Variants in SHOC1 observed in about 807,000 individuals in gnomAD.
SHOC1 encodes the protein protein shortage in chiasmata 1 ortholog.
SHOC1 carries 136 observed loss-of-function variants against 179.2 expected under a neutral mutation model. That is an observed-to-expected ratio of 0.76 (90% CI 0.66 to 0.87). The LOEUF (loss-of-function observed/expected upper bound fraction) is 0.87, where lower values mean the gene tolerates loss of function less well. SHOC1 is among the 40% of genes least tolerant of loss of function. The pLI, the probability that SHOC1 is intolerant of heterozygous loss-of-function variation, is 0.00. For synonymous variants in SHOC1, 489 were observed against 586.6 expected (o/e 0.83, Z 2.41); for missense variants, 1,538 against 1,700.8 (o/e 0.90, Z 1.68).
At chr9:111,741,440 C>G in intron 11 of SHOC1, 36 bp downstream of exon 11, 4 of 1,190,014 alleles carry the variant, frequency 3.4e-6, no homozygotes, top group Non-Finnish European at 5.0e-6. Flanking sequence ...TTTACCTATA[C>G]TTTCTATTTA....
intron 8 of SHOC1, among the ~76,000 whole-genome samples, chr9:111,753,054 A>T (rs1022177230): frequency 2.0e-5 from 3 of 152,164 alleles, no homozygotes; most frequent in Admixed American, 6.5e-5. Flanking sequence ...CTCAACAATA[A>T]AAAAAGAAAG....
chr9:111,793,957 T>G (rs1363393469), intron 1 of SHOC1, among the ~76,000 whole-genome samples: 1 of 152,072 alleles, frequency 6.6e-6, no homozygotes, highest in Non-Finnish European at 1.5e-5. Flanking sequence ...GTTCAAGCGA[T>G]TCTCCTGCCT....
At chr9:111,775,749 C>A in intron 5 of SHOC1, 42 bp downstream of exon 5, 2 of 1,525,068 alleles carry the variant, frequency 1.3e-6, no homozygotes, top group Non-Finnish European at 1.8e-6. Flanking sequence ...ATGTGTATAT[C>A]AGTAAGAAAT....
At chr9:111,729,360 G>A (rs1375426491) in intron 12 of SHOC1, among the ~76,000 whole-genome samples, 1 of 152,018 alleles carries the variant, frequency 6.6e-6, no homozygotes, top group Non-Finnish European at 1.5e-5. Flanking sequence ...CTCCCACATT[G>A]GCCTCCCAAG....
rs1191652849 is a variant in SHOC1, at chr9:111,691,841, T to C, written c.4136A>G (p.Gln1379Arg). The change falls in exon 27 of 28, where the codon CAG (glutamine) becomes CGG (arginine). Residue 1379 changes from glutamine (Q) to arginine (R), a missense_variant. Physicochemically the swap from Gln to Arg is conservative, Grantham distance 43. Transcript: ENST00000682961. ...NHPFNLQYGA[Q>R]QTACNKLYSQ... ...GTACAATTTGTTACATGCAGTCTGC[T>C]GTGCACCATATTGTAAGTTGAACGG... The C allele has an allele frequency of 2.5e-6, 4 of 1,613,674 alleles. No homozygotes were observed. Among genetic ancestry groups the C allele is most frequent in the Non-Finnish European group, 3.4e-6 (4 of 1,179,918 alleles).
chr9:111,766,038 T>C (rs1415887450), intron 5 of SHOC1, among the ~76,000 whole-genome samples: 1 of 152,168 alleles, frequency 6.6e-6, no homozygotes, highest in East Asian at 1.9e-4. Flanking sequence ...ATGTTCTTTT[T>C]TCCCCCTCAT....
At chr9:111,727,277 A>G (rs989876218) in intron 13 of SHOC1, among the ~76,000 whole-genome samples, 1 of 152,180 alleles carries the variant, frequency 6.6e-6, no homozygotes, top group Non-Finnish European at 1.5e-5. Context: ...ATACTGAGAC[A>G]GGACTGACAG....
rs1028515519 is a variant in SHOC1, at chr9:111,693,862, T to C, written c.3402A>G (p.Ile1134Met). Residue 1134 changes from isoleucine (I) to methionine (M), a missense_variant, in exon 26 of 28, where the codon ATA becomes ATG. Ile to Met is a conservative substitution (Grantham distance 10). Coordinates refer to ENST00000682961, the MANE Select transcript of SHOC1 (RefSeq NM_001378211.1). ...MLNKGPSLHW[I>M]LLATLCQLQE... ...GAAGTTGACACAGAGTTGCTAATAA[T>C]ATCCAATGCAGTGAAGGTCCTTTAT... 1 of 1,611,542 alleles carries C rather than the reference T, an allele frequency of 6.2e-7. No homozygotes were observed. Among genetic ancestry groups the C allele is most frequent in the African/African-American group, 1.3e-5 (1 of 74,980 alleles).
chr9:111,751,614 C>T (rs902354040), intron 8 of SHOC1, among the ~76,000 whole-genome samples: 43 of 152,126 alleles, frequency 2.8e-4, no homozygotes, highest in African/African-American at 9.7e-4. Flanking sequence ...CCCTTTCAAA[C>T]AGATTAATCT....
At chr9:111,709,372 A>G (rs1018326042) in intron 18 of SHOC1, among the ~76,000 whole-genome samples, 3 of 152,144 alleles carry the variant, frequency 2.0e-5, no homozygotes, top group African/African-American at 7.2e-5. Flanking sequence ...AAACAAACCT[A>G]ATCTGCTTAA....
At chr9:111,705,170 T>TACACAC (rs112920989) in intron 21 of SHOC1, 77 bp downstream of exon 21, 114 of 492,484 alleles carry the variant, frequency 2.3e-4, no homozygotes, top group South Asian at 1.3e-3. Context: ...AGAATATATA[T>TACACAC]ACACACACAC....
At chr9:111,714,047 C>T (rs1832673155) in intron 17 of SHOC1, among the ~76,000 whole-genome samples, 2 of 152,138 alleles carry the variant, frequency 1.3e-5, no homozygotes, top group Non-Finnish European at 2.9e-5. Flanking sequence ...CAGGGTCTGG[C>T]TCTTTTGCCC....
chr9:111,779,756 C>G (rs1835967130), intron 4 of SHOC1, among the ~76,000 whole-genome samples: 1 of 151,982 alleles, frequency 6.6e-6, no homozygotes. Context: ...ATCTCAGGCT[C>G]CAAAACAGAC....
At chr9:111,774,751 A>C (rs1835765793) in intron 5 of SHOC1, among the ~76,000 whole-genome samples, 1 of 152,078 alleles carries the variant, frequency 6.6e-6, no homozygotes, top group Admixed American at 6.6e-5. Flanking sequence ...TTTATACATA[A>C]TTTATATATC....
At chr9:111,780,282 C>T (rs1198380017) in intron 4 of SHOC1, among the ~76,000 whole-genome samples, 6 of 152,118 alleles carry the variant, frequency 3.9e-5, no homozygotes, top group Non-Finnish European at 7.4e-5. Context: ...CAAAATCTCT[C>T]CTAGGCTGGA....
chr9:111,758,119 G>T lies in SHOC1; in HGVS notation c.673C>A (p.Gln225Lys). Residue 225 changes from glutamine (Q) to lysine (K), a missense_variant, in exon 7 of 28, where the codon CAA becomes AAA. Physicochemically the swap from Gln to Lys is moderately conservative, Grantham distance 53. Coordinates refer to ENST00000682961, the MANE Select transcript of SHOC1 (RefSeq NM_001378211.1). The stretch of plus-strand genomic sequence containing the variant: ...CATATTGTATCTTCTAGTTTCTCTT[G>T]ACAAAAGTTCACTTTATCCATACAA... The part of the protein sequence containing the change: ...DFCMDKVNFC[Q>K]EKLEDTICLN... 1 of 1,576,878 alleles carries T rather than the reference G, an allele frequency of 6.3e-7. No individual in the cohort carries two copies. The highest frequency in any genetic ancestry group is 8.6e-7 in the Non-Finnish European group (1 of 1,157,308).
At chr9:111,747,283 T>C (rs765524097) in intron 9 of SHOC1, among the ~76,000 whole-genome samples, 1 of 152,132 alleles carries the variant, frequency 6.6e-6, no homozygotes, top group African/African-American at 2.4e-5. Flanking sequence ...GCTATCAATA[T>C]AGTTAAGCAA....
chr9:111,740,274 C>G (rs373675855), intron 11 of SHOC1, among the ~76,000 whole-genome samples: 2 of 152,148 alleles, frequency 1.3e-5, no homozygotes, highest in Non-Finnish European at 2.9e-5. Context: ...CACTACATGT[C>G]GACCTCAAAA....
chr9:111,699,821 ACTATT>A, intron 24 of SHOC1, 128 bp downstream of exon 24: 1 of 517,982 alleles, frequency 1.9e-6, no homozygotes, highest in South Asian at 3.6e-5. Context: ...TAATTTGAAA[ACTATT>A]CTTTATTTAG....
Sources: allele counts gnomAD v4.1 joint callset (sites outside exome capture counted in the v4.1 genomes callset), GRCh38; gene constraint gnomAD v4.1.1; transcripts MANE v1.5; gene names NCBI Gene and HGNC (gene_info 2026-07-23, HGNC 2026-07-21).